Variants in AGL observed in about 807,000 individuals in gnomAD.
AGL encodes the protein amylo-alpha-1,6-glucosidase and 4-alpha-glucanotransferase.
AGL carries 128 observed loss-of-function variants against 199.3 expected under a neutral mutation model. The observed-to-expected ratio is 0.64, with a 90% confidence interval of 0.56 to 0.74. The LOEUF (loss-of-function observed/expected upper bound fraction) is 0.74. Among genes scored for constraint, AGL ranks in the 30% least tolerant of loss-of-function variants. The pLI is 0.00. For missense variants in AGL, 1,809 were observed against 1,820.8 expected (o/e 0.99, Z 0.12); for synonymous variants, 584 against 594.7 (o/e 0.98, Z 0.26).
chr1:99,856,326 T>TCCTC (rs1335103886), intron 2 of AGL, among the ~76,000 whole-genome samples: 1,408 of 48,352 alleles, frequency 0.029, 17 homozygotes, highest in East Asian at 0.072. Flanking sequence ...CTCCCTTCCT[T>TCCTC]CCTCCCTCCC....
chr1:99,891,084 G>A, intron 21 of AGL, 136 bp from the exon 22 acceptor site: 6 of 1,018,020 alleles, frequency 5.9e-6, no homozygotes, highest in African/African-American at 1.6e-5. Flanking sequence ...TTGTGGACTG[G>A]GTAGCCCTTG....
At chr1:99,871,656 A>C (rs918545123) in intron 7 of AGL, among the ~76,000 whole-genome samples, 1 of 152,148 alleles carries the variant, frequency 6.6e-6, no homozygotes, top group African/African-American at 2.4e-5. Context: ...TAGGATACTC[A>C]GTCAGCTTCA....
Position 99,862,810 on chromosome 1 carries a change from C to G in AGL, c.460+387C>G, listed in dbSNP as rs903885902. ...TGTGATCAAACACCTCTCACCAGGC[C>G]CCTCCTCCAACATCGGGGATTACAA... On this transcript the variant is annotated intron_variant, in intron 4 of 33. Coordinates refer to ENST00000361915, the MANE Select transcript of AGL (RefSeq NM_000642.3). 3.9e-5 allele frequency among the ~76,000 whole-genome samples: 6 copies of G among 152,104 alleles called. No individual in the cohort carries two copies. In the South Asian group the frequency reaches 8.3e-4, roughly 21 times the overall value.
At chr1:99,871,420 C>G (rs1039169582) in intron 7 of AGL, among the ~76,000 whole-genome samples, 87 of 148,814 alleles carry the variant, frequency 5.8e-4, no homozygotes, top group African/African-American at 2.0e-3. Context: ...GCCCCCCCCC[C>G]CCCAACAAAA....
At chr1:99,895,759 G>T (rs1653252187) in intron 24 of AGL, among the ~76,000 whole-genome samples, 1 of 152,158 alleles carries the variant, frequency 6.6e-6, no homozygotes, top group Non-Finnish European at 1.5e-5. Flanking sequence ...CAGATCACTT[G>T]AGCTCAGGAG....
intron 2 of AGL, among the ~76,000 whole-genome samples, chr1:99,857,220 C>T (rs683124): frequency 0.45 from 68,364 of 150,404 alleles, 15,459 homozygotes; most frequent in East Asian, 0.52. Context: ...GACGGGGCGG[C>T]GGGACAAAGG....
At chr1:99,899,546 C>CTT (rs1277730300) in intron 25 of AGL, among the ~76,000 whole-genome samples, 38 of 150,222 alleles carry the variant, frequency 2.5e-4, no homozygotes, top group South Asian at 4.2e-4. Flanking sequence ...CTCTCTTTCT[C>CTT]TCTCTCTCTC....
chr1:99,852,480 C>T, intron 2 of AGL: 1 of 590,336 alleles, frequency 1.7e-6, no homozygotes, highest in Non-Finnish European at 3.0e-6. Context: ...AGCAGTTCTC[C>T]TGCCTCAGCC....
chr1:99,861,138 G>T (rs1649997041), intron 2 of AGL: 1 of 1,089,772 alleles, frequency 9.2e-7, no homozygotes, highest in Admixed American at 4.7e-5. Flanking sequence ...TACTAGAGAA[G>T]GTCTCTCCTC....
chr1:99,873,505 A>G (rs619445), intron 7 of AGL, among the ~76,000 whole-genome samples: 114,333 of 150,394 alleles, frequency 0.76, 43,987 homozygotes, highest in African/African-American at 0.91. Context: ...TGTAATCTCC[A>G]CTCACCACAA....
chr1:99,916,336 T>C (rs1655109807), intron 31 of AGL, 74 bp from the exon 32 acceptor site: 9 of 1,169,296 alleles, frequency 7.7e-6, no homozygotes, highest in South Asian at 2.7e-5. Context: ...ACCTTTGTTA[T>C]TGAAATTTTT....
At chr1:99,856,394 C>G (rs1266450641) in intron 2 of AGL, among the ~76,000 whole-genome samples, 2 of 131,444 alleles carry the variant, frequency 1.5e-5, no homozygotes, top group Non-Finnish European at 3.2e-5. Context: ...CTCCCTCCCT[C>G]CTTCCTTCTT....
intron 25 of AGL, among the ~76,000 whole-genome samples, chr1:99,900,024 G>C (rs1653696025): frequency 6.6e-6 from 1 of 151,876 alleles, no homozygotes; most frequent in South Asian, 2.1e-4. Context: ...CTGCCTCCTG[G>C]GTTCAGGCAA....
Position 99,912,338 on chromosome 1 carries a change from G to A in AGL, c.3837-67G>A, listed in dbSNP as rs190328362. 3,443 of 1,155,850 alleles carry A rather than the reference G, an allele frequency of 3.0e-3. 7 individuals carry two copies. The highest frequency in any genetic ancestry group is 3.5e-3 in the Non-Finnish European group (2,720 of 774,350). 71.6% of individuals were successfully genotyped at this position (1,155,850 alleles called of 1,614,324 possible). A position where few individuals can be genotyped will look rare whatever the true frequency, so the allele number is the denominator to read the frequency against. The stretch of plus-strand genomic sequence containing the variant: ...ATATGATTCATTACAATTGTTTACC[G>A]AATGCCCTTTAAATAGTACTTAAAG... On this transcript the variant is annotated intron_variant, in intron 28 of 33. Coordinates refer to ENST00000361915, the MANE Select transcript of AGL (RefSeq NM_000642.3).
At chr1:99,919,863 C>T (rs1655397878) in intron 33 of AGL, among the ~76,000 whole-genome samples, 1 of 152,168 alleles carries the variant, frequency 6.6e-6, no homozygotes, top group Non-Finnish European at 1.5e-5. Context: ...TTCTAACTAC[C>T]CACTCTGGAC....
Position 99,902,773 on chromosome 1 carries a change from G to A in AGL, c.3679G>A (p.Asp1227Asn). The A allele has an allele frequency of 1.2e-6, 2 of 1,613,106 alleles. No individual in the cohort carries two copies. Among genetic ancestry groups the A allele is most frequent in the Non-Finnish European group, 1.7e-6 (2 of 1,179,276 alleles). Residue 1227 changes from aspartate to asparagine, a missense_variant, in exon 27 of 34, where the codon GAT becomes AAT. Coordinates refer to ENST00000361915, the MANE Select transcript of AGL (RefSeq NM_000642.3). ...FRERNAGPQIDRNMKDEGFNI... is the reference protein window; with the variant it reads ...FRERNAGPQINRNMKDEGFNI... ...AGAAAGGAATGCTGGTCCCCAGATA[G>A]ATCGAAACATGAAGGACGAAGGTAC...
intron 10 of AGL, among the ~76,000 whole-genome samples, chr1:99,875,867 C>A (rs1651482066): frequency 6.6e-6 from 1 of 152,026 alleles, no homozygotes; most frequent in Non-Finnish European, 1.5e-5. Flanking sequence ...ATCAATGCCT[C>A]AATTATGTAT....
chr1:99,871,420 C>A (rs1039169582), intron 7 of AGL, among the ~76,000 whole-genome samples: 1 of 148,702 alleles, frequency 6.7e-6, no homozygotes. Flanking sequence ...GCCCCCCCCC[C>A]CCCAACAAAA....
At chr1:99,893,762 T>C (rs925053378) in intron 24 of AGL, among the ~76,000 whole-genome samples, 4 of 152,212 alleles carry the variant, frequency 2.6e-5, no homozygotes, top group Non-Finnish European at 4.4e-5. Flanking sequence ...TATTTGCTCC[T>C]AGCATCCCAA....
Sources: allele counts gnomAD v4.1 joint callset (sites outside exome capture counted in the v4.1 genomes callset), GRCh38; gene constraint gnomAD v4.1.1; transcripts MANE v1.5; gene names NCBI Gene and HGNC (gene_info 2026-07-23, HGNC 2026-07-21).